The following VTA1 variants were observed in gnomAD, a reference collection of about 807,000 sequenced individuals.
The protein encoded by VTA1 is vacuolar protein sorting-associated protein VTA1 homolog.
A neutral mutation model predicts 36.9 loss-of-function variants in VTA1; 24 were observed. The ratio of observed to expected loss-of-function variants is 0.65; its 90% confidence interval spans 0.47 to 0.91. The LOEUF (loss-of-function observed/expected upper bound fraction) is 0.91, where lower values mean the gene tolerates loss of function less well. VTA1 is among the 40% of genes least tolerant of loss of function. The pLI is 0.00. For synonymous variants in VTA1, 142 were observed against 130.2 expected (o/e 1.09, Z -0.62); for missense variants, 393 against 377.2 (o/e 1.04, Z -0.35).
chr6:142,195,614 T>G (rs1374826993), intron 5 of VTA1, among the ~76,000 whole-genome samples: 18 of 146,154 alleles, frequency 1.2e-4, no homozygotes, highest in African/African-American at 4.3e-4. Flanking sequence ...TTTTTTTTTT[T>G]TAGCTTCTTA....
In VTA1 at chr6:142,169,596, T is replaced by C; in HGVS notation, c.254T>C (p.Val85Ala). The change falls in exon 3 of 8, where the codon GTG (valine) becomes GCG (alanine). Residue 85 changes from valine to alanine, a missense_variant. Val to Ala is a moderately conservative substitution (Grantham distance 64). Coordinates refer to ENST00000367630, the MANE Select transcript of VTA1 (RefSeq NM_016485.5). Reference protein sequence around the residue: ...GDNEAITQEIVGCAHLENYAL... With the variant: ...GDNEAITQEIAGCAHLENYAL... ...AATGAAGCTATTACTCAAGAAATAG[T>C]GGGCTGTGCCCATTTGGAGAATTAT... 1 of 1,609,924 alleles carries C rather than the reference T, an allele frequency of 6.2e-7. No homozygotes were observed. Among genetic ancestry groups the C allele is most frequent in the Non-Finnish European group, 8.5e-7 (1 of 1,179,070 alleles).
intron 1 of VTA1, among the ~76,000 whole-genome samples, chr6:142,155,040 C>T (rs1280343912): frequency 6.6e-6 from 1 of 151,914 alleles, no homozygotes; most frequent in African/African-American, 2.4e-5. Flanking sequence ...AAATATTTTC[C>T]TCTTGAGCCA....
chr6:142,152,222 A>G (rs1778582408), intron 1 of VTA1, among the ~76,000 whole-genome samples: 1 of 152,140 alleles, frequency 6.6e-6, no homozygotes, highest in African/African-American at 2.4e-5. Context: ...ATGAATCTTT[A>G]TAATATCTTT....
At chr6:142,205,108 A>G (rs225690) in intron 7 of VTA1, among the ~76,000 whole-genome samples, 57,970 of 151,960 alleles carry the variant, frequency 0.38, 13,226 homozygotes, top group Middle Eastern at 0.54. Flanking sequence ...TTCTCCCTGT[A>G]TGAGTGGGAA....
At chr6:142,216,704 A>G (rs1384922554) in intron 7 of VTA1, among the ~76,000 whole-genome samples, 1 of 152,196 alleles carries the variant, frequency 6.6e-6, no homozygotes, top group Non-Finnish European at 1.5e-5. Flanking sequence ...AGTTTATAAA[A>G]CAAAAATAGT....
At chr6:142,176,325 G>A (rs1479525271) in intron 4 of VTA1, among the ~76,000 whole-genome samples, 1 of 152,156 alleles carries the variant, frequency 6.6e-6, no homozygotes, top group African/African-American at 2.4e-5. Context: ...GAGGGAATGA[G>A]ATGAATATGT....
chr6:142,158,821 C>G (rs945651787), intron 1 of VTA1, among the ~76,000 whole-genome samples: 10 of 151,910 alleles, frequency 6.6e-5, no homozygotes, highest in Admixed American at 5.9e-4. Flanking sequence ...GAATGCTTAC[C>G]ATAGCTTATC....
rs540544295 is a variant in VTA1, at chr6:142,162,184, A to T, written c.113-4044A>T. On this transcript the variant is annotated intron_variant, in intron 1 of 7. Coordinates refer to ENST00000367630, the MANE Select transcript of VTA1 (RefSeq NM_016485.5). ...AAGTGAATATTTTGTTTATATTTGT[A>T]TGTGCTGCGTTAATTATCTGCATGT... Among the ~76,000 whole-genome samples, 29 of 152,316 alleles carry T rather than the reference A, an allele frequency of 1.9e-4. No individual in the cohort carries two copies. In the South Asian group the frequency reaches 3.5e-3, roughly 19 times the overall value.
rs187384099 is a variant in VTA1, at chr6:142,172,446, C to G, written c.411+2025C>G. On this transcript the variant is annotated intron_variant, in intron 4 of 7. Transcript: ENST00000367630. The stretch of plus-strand genomic sequence containing the variant: ...CCACCTGAGATATTTCAAAACAGCC[C>G]TACCCTAGGGTATGGGGCAATGCCC... Among the ~76,000 whole-genome samples the G allele has an allele frequency of 7.2e-5, 11 of 152,316 alleles. No homozygotes were observed. The East Asian group carries it at 1.9e-3, about 27-fold the overall frequency.
chr6:142,156,710 TATC>T (rs1350506600), intron 1 of VTA1, among the ~76,000 whole-genome samples: 4 of 152,224 alleles, frequency 2.6e-5, no homozygotes, highest in Admixed American at 6.5e-5. Flanking sequence ...CATTTGTTGA[TATC>T]ATCATCAGAA....
intron 7 of VTA1, among the ~76,000 whole-genome samples, chr6:142,211,690 G>A (rs1381009304): frequency 1.4e-5 from 2 of 138,756 alleles, no homozygotes; most frequent in African/African-American, 2.7e-5. Context: ...CGGCCTGGGC[G>A]AAAGAGCGAG....
chr6:142,152,539 A>C (rs1778587850), intron 1 of VTA1, among the ~76,000 whole-genome samples: 1 of 152,130 alleles, frequency 6.6e-6, no homozygotes, highest in South Asian at 2.1e-4. Context: ...TATGGCAATA[A>C]ATAATATTAA....
chr6:142,187,463 G>A (rs1055431477), intron 4 of VTA1, among the ~76,000 whole-genome samples: 2 of 152,226 alleles, frequency 1.3e-5, no homozygotes, highest in Non-Finnish European at 2.9e-5. Flanking sequence ...GGAACAGGCT[G>A]ACGCATGTGG....
At chr6:142,148,547 A>T (rs1389487956) in intron 1 of VTA1, among the ~76,000 whole-genome samples, 1 of 152,180 alleles carries the variant, frequency 6.6e-6, no homozygotes, top group African/African-American at 2.4e-5. Flanking sequence ...TCATTGAGCT[A>T]CCTTTGTATC....
At chr6:142,166,101 A>T in intron 1 of VTA1, 127 bp from the exon 2 acceptor site, 1 of 589,998 alleles carries the variant, frequency 1.7e-6, no homozygotes, top group Non-Finnish European at 2.7e-6. Context: ...TAACTTCCAT[A>T]GTAAATCAGT....
intron 2 of VTA1, 88 bp from the exon 3 acceptor site, chr6:142,169,462 A>T: frequency 7.4e-7 from 1 of 1,351,434 alleles, no homozygotes; most frequent in Non-Finnish European, 1.0e-6. Context: ...AAAATAATTT[A>T]CTTAAAATGA....
intron 7 of VTA1, among the ~76,000 whole-genome samples, chr6:142,208,167 A>G (rs1775831883): frequency 6.6e-6 from 1 of 152,094 alleles, no homozygotes; most frequent in African/African-American, 2.4e-5. Flanking sequence ...AGACTTCAGA[A>G]TAACAATTTT....
chr6:142,203,485 G>A (rs1020949271), intron 6 of VTA1, among the ~76,000 whole-genome samples: 2 of 152,054 alleles, frequency 1.3e-5, no homozygotes, highest in African/African-American at 4.8e-5. Flanking sequence ...TCATTGATAT[G>A]ACAGTTTTGA....
intron 6 of VTA1, among the ~76,000 whole-genome samples, chr6:142,198,951 C>T (rs112803599): frequency 1.3e-5 from 2 of 152,034 alleles, no homozygotes; most frequent in African/African-American, 2.4e-5. Flanking sequence ...TAGAATAGCT[C>T]GGAGGTGAGT....
Sources: allele counts gnomAD v4.1 joint callset (sites outside exome capture counted in the v4.1 genomes callset), GRCh38; gene constraint gnomAD v4.1.1; transcripts MANE v1.5; gene names NCBI Gene and HGNC (gene_info 2026-07-23, HGNC 2026-07-21).